Variants in SDS observed in about 807,000 individuals in gnomAD.
SDS encodes the protein serine dehydratase.
A neutral mutation model predicts 29.3 loss-of-function variants in SDS; 19 were observed. The ratio of observed to expected loss-of-function variants is 0.65; its 90% CI spans 0.45 to 0.95. The LOEUF (loss-of-function observed/expected upper bound fraction) is 0.95, where lower values mean the gene tolerates loss of function less well. Ranked by LOEUF, SDS falls within the 40% of genes least tolerant of loss-of-function variation. The probability of loss-of-function intolerance (pLI) is 0.00; values close to 1 mark genes in which losing one functional copy is unlikely to be tolerated. For missense variants in SDS, 375 were observed against 439.9 expected (o/e 0.85, Z 1.32); for synonymous variants, 176 against 189.0 (o/e 0.93, Z 0.56).
At chr12:113,393,381 C>T (rs978695968) in intron 7 of SDS, among the ~76,000 whole-genome samples, 2 of 152,358 alleles carry the variant, frequency 1.3e-5, no homozygotes, top group African/African-American at 4.8e-5. Flanking sequence ...AGTGTGGTTG[C>T]GTGAGCACTG....
chr12:113,401,164 A>T (rs1381395176), intron 1 of SDS, among the ~76,000 whole-genome samples: 1 of 152,090 alleles, frequency 6.6e-6, no homozygotes, highest in Non-Finnish European at 1.5e-5. Flanking sequence ...CTCTTCTGAC[A>T]TGCAGTTCCA....
intron 7 of SDS, among the ~76,000 whole-genome samples, 172 bp from the exon 8 acceptor site, chr12:113,393,321 G>A (rs993107775): frequency 2.0e-5 from 3 of 152,250 alleles, no homozygotes; most frequent in Admixed American, 1.3e-4. Flanking sequence ...GCCCTTCCAA[G>A]CCTGAGCCAG....
intron 6 of SDS, among the ~76,000 whole-genome samples, chr12:113,395,192 T>G (rs758477724): frequency 6.6e-6 from 1 of 152,172 alleles, no homozygotes; most frequent in African/African-American, 2.4e-5. Flanking sequence ...GTGTTGACGC[T>G]GTCCCCAGCT....
intron 6 of SDS, among the ~76,000 whole-genome samples, chr12:113,394,945 C>T (rs1957635928): frequency 6.6e-6 from 1 of 152,166 alleles, no homozygotes; most frequent in Non-Finnish European, 1.5e-5. Context: ...AATAGTCCTC[C>T]CTGCTAGTAA....
chr12:113,396,522 T>TTCCCTCCC lies in SDS; in HGVS notation c.653+635_653+642dup, dbSNP rs1291571059. The TTCCCTCCC allele has an allele frequency of 5.0e-4, 60 of 120,940 alleles. 5 individuals carry two copies. Among genetic ancestry groups the TTCCCTCCC allele is most frequent in the Non-Finnish European group, 8.0e-4 (46 of 57,680 alleles). 7.5% of individuals were successfully genotyped at this position (120,940 alleles called of 1,614,324 possible). A position where few individuals can be genotyped will look rare whatever the true frequency, so the allele number is the denominator to read the frequency against. ...TCTTCCTTTCTCCTTCCTTCCTTCT[T>TTCCCTCCC]TCCCTCCCTCCCTCCCTCTCTCCCT... On this transcript the variant is annotated intron_variant, in intron 6 of 7. Transcript: ENST00000257549.
intron 1 of SDS, among the ~76,000 whole-genome samples, chr12:113,400,949 C>T (rs948060642): frequency 3.9e-5 from 6 of 152,094 alleles, no homozygotes; most frequent in Admixed American, 6.6e-5. Context: ...GTCAGGAGAT[C>T]GAGACCATCC....
chr12:113,394,357 TTA>T (rs1156425694), intron 6 of SDS, among the ~76,000 whole-genome samples: 4 of 151,390 alleles, frequency 2.6e-5, no homozygotes, highest in African/African-American at 9.7e-5. Context: ...TTTTTTTTTT[TTA>T]GACGGAGTCT....
At position 113,398,855 on chromosome 12, in the gene SDS, G is replaced by A. The variant is rs767419765; in HGVS notation, c.194-9C>T. ...CATGCCTGCGTTGCCCGCTGCCAGG[G>A]TCGGGGGTGGAGAGCGTGTCAGTGC... On this transcript the variant is annotated splice_polypyrimidine_tract_variant and intron_variant, in intron 3 of 7. Coordinates refer to ENST00000257549, the MANE Select transcript of SDS (RefSeq NM_006843.3). The A allele has an allele frequency of 6.3e-7, 1 of 1,595,026 alleles. No individual in the cohort carries two copies. The highest frequency in any genetic ancestry group is 1.1e-5 in the South Asian group (1 of 89,062).
intron 1 of SDS, 126 bp from the exon 2 acceptor site, chr12:113,399,836 G>A (rs1423362606): frequency 1.0e-6 from 1 of 959,948 alleles, no homozygotes. Flanking sequence ...GCATCCTGGA[G>A]ACCTGGGCTC....
rs16942781 is a variant in SDS at position 113,403,764 on chromosome 12, T to C, written c.-3+4A>G. 0.027 allele frequency: 4,128 copies of C among 152,448 alleles called. 86 individuals are homozygous for C. The highest frequency in any genetic ancestry group is 0.087 in the Middle Eastern group (26 of 298). The allele number at this position is 152,448 out of a possible 1,614,324, so 9.4% of individuals were successfully genotyped here. A position where few individuals can be genotyped will look rare whatever the true frequency, so the allele number is the denominator to read the frequency against. On this transcript the variant is annotated splice_donor_region_variant and intron_variant, in intron 1 of 7. Transcript: ENST00000257549. ...GAGGTGGGACTGAGGATGGGGCCAC[T>C]TACCCGGCAAAGGTGATGGGTCTGA...
intron 3 of SDS, 40 bp from the exon 4 acceptor site, chr12:113,398,886 C>T: frequency 6.4e-7 from 1 of 1,564,710 alleles, no homozygotes; most frequent in East Asian, 2.4e-5. Context: ...AGTGCGGGAG[C>T]ATCTGGGAGC....
intron 2 of SDS, 96 bp from the exon 3 acceptor site, chr12:113,399,247 C>T (rs1957668898): frequency 7.6e-7 from 1 of 1,307,806 alleles, no homozygotes. Context: ...TTCCAGTGGA[C>T]ACGGACGTTT....
Position 113,399,095 on chromosome 12 carries a change from G to A in SDS, c.193+17C>T. 1 of 1,613,942 alleles carries A rather than the reference G, an allele frequency of 6.2e-7. No individual in the cohort carries two copies. The highest frequency in any genetic ancestry group is 8.5e-7 in the Non-Finnish European group (1 of 1,179,890). ...GGACACACAGCAGAGGACAGGATGG[G>A]GAAGCAGATCACTTACCCGAGGAGC... On this transcript the variant is annotated intron_variant, in intron 3 of 7. Transcript: ENST00000257549.
intron 2 of SDS, 161 bp downstream of exon 2, chr12:113,399,395 C>T: frequency 1.4e-5 from 13 of 961,490 alleles, no homozygotes; most frequent in Non-Finnish European, 1.7e-5. Context: ...TGGAAGGGCA[C>T]CCCTCAAACA....
rs757125522 is a variant in SDS at position 113,397,405 on chromosome 12, G to C, written c.426-13C>G. 1.7e-5 allele frequency: 27 copies of C among 1,591,822 alleles called. No individual in the cohort carries two copies. In the Admixed American group the frequency reaches 4.6e-4, roughly 27 times the overall value. On this transcript the variant is annotated splice_polypyrimidine_tract_variant and intron_variant, in intron 5 of 7. Coordinates refer to ENST00000257549, the MANE Select transcript of SDS (RefSeq NM_006843.3). ...AGCGTGGCCTTCCCTGGAGGGTGGG[G>C]AGAGGGGGTGGCAGGTCAGGGCTAG...
At position 113,393,027 on chromosome 12, in the gene SDS, T is replaced by C. The variant is rs746154275; in HGVS notation, c.901A>G (p.Ile301Val). ...LRTPLPSLVV[I>V]VCGGSNISLA... ...CTGATGTTGCTGCCCCCGCAGACGA[T>C]GACCACGAGGGATGGCAGCGGGGTT... The change falls in exon 8 of 8, where the codon ATC becomes GTC. Residue 301 changes from isoleucine (I) to valine (V), a missense_variant. By Grantham distance (29) the Ile-to-Val change is conservative. Transcript: ENST00000257549. 5 of 1,614,102 alleles carry C rather than the reference T, an allele frequency of 3.1e-6. No homozygotes were observed. In the South Asian group the frequency reaches 4.4e-5, roughly 14 times the overall value.
At chr12:113,402,609 C>T (rs906254270) in intron 1 of SDS, among the ~76,000 whole-genome samples, 31 of 152,246 alleles carry the variant, frequency 2.0e-4, no homozygotes, top group African/African-American at 7.0e-4. Context: ...CATTAAAGGC[C>T]GGTGTAGGTC....
At chr12:113,397,535 A>G in intron 5 of SDS, 143 bp from the exon 6 acceptor site, 3 of 685,290 alleles carry the variant, frequency 4.4e-6, no homozygotes, top group Non-Finnish European at 4.9e-6. Flanking sequence ...AGCTGCCAGC[A>G]TCTGTGTCTC....
In SDS at chr12:113,399,263, A is replaced by C. The variant is rs143155640; in HGVS notation, c.154-112T>G. ...TCCAGTGGACACGGACGTTTCCTTC[A>C]CTCAGAATTTGTTCTACCCTTGTCT... On this transcript the variant is annotated intron_variant, in intron 2 of 7. Coordinates refer to ENST00000257549, the MANE Select transcript of SDS (RefSeq NM_006843.3). 8.7e-4 allele frequency: 1,042 copies of C among 1,195,150 alleles called. 7 individuals are homozygous for C. The African/African-American group carries it at 0.013, about 15-fold the overall frequency. 74.0% of individuals were successfully genotyped at this position (1,195,150 alleles called of 1,614,324 possible).
Sources: gnomAD v4.1 joint callset for allele counts (sites outside exome capture counted in the v4.1 genomes callset) on GRCh38, gnomAD v4.1.1 for gene constraint, MANE v1.5 for transcripts, NCBI Gene and HGNC (gene_info 2026-07-23, HGNC 2026-07-21) for gene names.